Variants in VAV3 observed in about 807,000 individuals in gnomAD.
The protein encoded by VAV3 is guanine nucleotide exchange factor VAV3.
Under a neutral mutation model 131.2 loss-of-function variants are expected in VAV3, and 94 were observed. The observed-to-expected ratio is 0.72, with a 90% CI of 0.61 to 0.85. The LOEUF is 0.85. Among genes scored for constraint, VAV3 ranks in the 40% least tolerant of loss-of-function variants. The pLI is 0.00. For synonymous variants in VAV3, 349 were observed against 342.0 expected (o/e 1.02, Z -0.22); for missense variants, 939 against 1,002.7 (o/e 0.94, Z 0.86).
At chr1:107,938,875 C>A (rs980175575) in intron 1 of VAV3, among the ~76,000 whole-genome samples, 3 of 152,240 alleles carry the variant, frequency 2.0e-5, no homozygotes, top group Non-Finnish European at 4.4e-5. Flanking sequence ...ATAACCTACT[C>A]TTGTACCAAT....
At chr1:107,907,952 A>G (rs1672183234) in intron 1 of VAV3, among the ~76,000 whole-genome samples, 1 of 152,222 alleles carries the variant, frequency 6.6e-6, no homozygotes, top group South Asian at 2.1e-4. Context: ...CAAATTACCA[A>G]ACAGCATATA....
intron 1 of VAV3, among the ~76,000 whole-genome samples, chr1:107,911,383 A>C (rs1005871339): frequency 2.6e-5 from 4 of 152,196 alleles, no homozygotes; most frequent in Admixed American, 1.3e-4. Flanking sequence ...CACAGGAGAA[A>C]AATTCAAAAT....
chr1:107,916,199 A>C (rs536087335), intron 1 of VAV3, among the ~76,000 whole-genome samples: 29 of 152,204 alleles, frequency 1.9e-4, no homozygotes, highest in Admixed American at 3.9e-4. Flanking sequence ...AAATATATAT[A>C]TGAAAAGAAG....
chr1:107,832,881 T>C (rs1245697369), intron 2 of VAV3, among the ~76,000 whole-genome samples: 2 of 152,214 alleles, frequency 1.3e-5, no homozygotes, highest in Non-Finnish European at 2.9e-5. Flanking sequence ...AATGCATTCA[T>C]GCTAGAAAAA....
intron 2 of VAV3, among the ~76,000 whole-genome samples, chr1:107,842,912 G>A (rs1288756661): frequency 6.6e-6 from 1 of 151,902 alleles, no homozygotes; most frequent in African/African-American, 2.4e-5. Flanking sequence ...CATTAATATG[G>A]AAATATTAAC....
intron 15 of VAV3, among the ~76,000 whole-genome samples, chr1:107,714,791 C>T (rs1279702350): frequency 6.6e-6 from 1 of 152,168 alleles, no homozygotes; most frequent in South Asian, 2.1e-4. Flanking sequence ...CACGTACAGT[C>T]TTTTATCCAG....
At chr1:107,910,766 T>A (rs1418853905) in intron 1 of VAV3, among the ~76,000 whole-genome samples, 1 of 152,028 alleles carries the variant, frequency 6.6e-6, no homozygotes, top group Non-Finnish European at 1.5e-5. Flanking sequence ...AATCACCCGA[T>A]GTCAGGAGTT....
intron 2 of VAV3, among the ~76,000 whole-genome samples, chr1:107,802,002 T>C (rs555492255): frequency 2.0e-3 from 299 of 152,252 alleles, no homozygotes; most frequent in African/African-American, 7.0e-3. Flanking sequence ...ACATGGAGTT[T>C]TGTTACATAG....
intron 2 of VAV3, among the ~76,000 whole-genome samples, chr1:107,784,209 G>C (rs1016718378): frequency 2.0e-5 from 3 of 152,118 alleles, no homozygotes; most frequent in Non-Finnish European, 4.4e-5. Context: ...GACTCTGGCA[G>C]AGTTTTTCTT....
At chr1:107,601,644 T>C (rs12745397) in intron 24 of VAV3, among the ~76,000 whole-genome samples, 1 of 152,208 alleles carries the variant, frequency 6.6e-6, no homozygotes, top group Non-Finnish European at 1.5e-5. Context: ...TTGAGAAACA[T>C]ACTTGAGACC....
At chr1:107,668,337 T>C (rs1053845556) in intron 19 of VAV3, among the ~76,000 whole-genome samples, 7 of 152,228 alleles carry the variant, frequency 4.6e-5, no homozygotes, top group Non-Finnish European at 7.3e-5. Context: ...ATGGAAGTTT[T>C]ATAAGGATTT....
chr1:107,667,594 T>C (rs932148196), intron 19 of VAV3, among the ~76,000 whole-genome samples: 17 of 152,186 alleles, frequency 1.1e-4, no homozygotes, highest in Admixed American at 2.0e-4. Context: ...GTTAGGATTA[T>C]TATACACACA....
At chr1:107,669,442 G>A in intron 19 of VAV3, 1 of 1,289,540 alleles carries the variant, frequency 7.8e-7, no homozygotes, top group Non-Finnish European at 1.0e-6. Context: ...AGGGGCCATG[G>A]AAATAAAGAA....
chr1:107,865,270 T>C (rs987183675), intron 2 of VAV3, among the ~76,000 whole-genome samples: 14 of 152,082 alleles, frequency 9.2e-5, no homozygotes, highest in African/African-American at 3.4e-4. Context: ...AAGGTCCCAG[T>C]TGAAACTGAG....
chr1:107,806,286 T>C (rs372174840), intron 2 of VAV3, among the ~76,000 whole-genome samples: 10 of 152,124 alleles, frequency 6.6e-5, no homozygotes, highest in South Asian at 2.1e-4. Context: ...ACATTTTCCA[T>C]GTGCTTGCTG....
intron 2 of VAV3, among the ~76,000 whole-genome samples, chr1:107,804,761 GTTTT>G (rs145356281): frequency 1.3e-5 from 2 of 151,580 alleles, no homozygotes; most frequent in Admixed American, 6.6e-5. Flanking sequence ...AATATTTTTG[GTTTT>G]TTTTGTTTGT....
At chr1:107,726,629 T>G (rs143170842) in intron 15 of VAV3, among the ~76,000 whole-genome samples, 7 of 152,340 alleles carry the variant, frequency 4.6e-5, no homozygotes, top group Middle Eastern at 3.4e-3. Context: ...GGGTTTACAG[T>G]TAATTTCTTT....
chr1:107,683,603 T>C, intron 18 of VAV3, 70 bp from the exon 19 acceptor site: 1 of 1,467,644 alleles, frequency 6.8e-7, no homozygotes, highest in Non-Finnish European at 9.5e-7. Flanking sequence ...ATTGTATTAC[T>C]ACTGGCACTT....
chr1:107,722,189 T>C (rs1286920009), intron 15 of VAV3, among the ~76,000 whole-genome samples: 7 of 152,322 alleles, frequency 4.6e-5, no homozygotes, highest in Non-Finnish European at 8.8e-5. Context: ...TCCACTGTGA[T>C]GTATTAGATT....
Sources: gnomAD v4.1 joint callset for allele counts (sites outside exome capture counted in the v4.1 genomes callset) on GRCh38, gnomAD v4.1.1 for gene constraint, MANE v1.5 for transcripts, NCBI Gene and HGNC (gene_info 2026-07-23, HGNC 2026-07-21) for gene names.